The following CCSER2 variants were observed in gnomAD, a reference collection of about 807,000 sequenced individuals.
The protein encoded by CCSER2 is serine-rich coiled-coil domain-containing protein 2.
CCSER2 carries 46 observed loss-of-function variants against 92.3 expected under a neutral mutation model. The observed-to-expected ratio is 0.50, with a 90% CI of 0.39 to 0.64. The LOEUF (loss-of-function observed/expected upper bound fraction) is 0.64. Ranked by LOEUF, CCSER2 falls within the 30% of genes least tolerant of loss-of-function variation. CCSER2 has a pLI of 0.00. For synonymous variants in CCSER2, 433 were observed against 431.4 expected (o/e 1.00, Z -0.04); for missense variants, 1,244 against 1,238.9 (o/e 1.00, Z -0.06).
At chr10:84,436,976 A>G (rs1042782659) in intron 5 of CCSER2, among the ~76,000 whole-genome samples, 2 of 152,198 alleles carry the variant, frequency 1.3e-5, no homozygotes, top group African/African-American at 4.8e-5. Flanking sequence ...ATTTTTGCAC[A>G]TTTAATGCAT....
At chr10:84,456,684 T>C (rs1845644035) in intron 6 of CCSER2, among the ~76,000 whole-genome samples, 1 of 152,158 alleles carries the variant, frequency 6.6e-6, no homozygotes, top group South Asian at 2.1e-4. Flanking sequence ...GGTGACTATA[T>C]CATTTTGTAT....
At chr10:84,378,955 T>C (rs1399265322) in intron 3 of CCSER2, among the ~76,000 whole-genome samples, 1 of 152,192 alleles carries the variant, frequency 6.6e-6, no homozygotes, top group Non-Finnish European at 1.5e-5. Context: ...CTACTTGTTC[T>C]TGCCATGTTT....
At chr10:84,484,617 A>C (rs1488026561) in intron 9 of CCSER2, among the ~76,000 whole-genome samples, 1 of 152,202 alleles carries the variant, frequency 6.6e-6, no homozygotes, top group Non-Finnish European at 1.5e-5. Flanking sequence ...AATCACATAT[A>C]CATTGGTGTT....
intron 4 of CCSER2, among the ~76,000 whole-genome samples, chr10:84,418,943 A>G (rs1843005484): frequency 6.6e-6 from 1 of 152,222 alleles, no homozygotes; most frequent in Admixed American, 6.5e-5. Context: ...TGTTCTCACG[A>G]CAGCAGAAAT....
At chr10:84,487,368 A>G (rs1348694872) in intron 9 of CCSER2, among the ~76,000 whole-genome samples, 1 of 152,174 alleles carries the variant, frequency 6.6e-6, no homozygotes, top group East Asian at 1.9e-4. Flanking sequence ...GATTCTTCCT[A>G]CCCATGAGCG....
At chr10:84,357,314 G>C (rs535739096) in intron 1 of CCSER2, among the ~76,000 whole-genome samples, 8 of 152,254 alleles carry the variant, frequency 5.3e-5, no homozygotes, top group East Asian at 3.9e-4. Context: ...ACAATTAGTC[G>C]AATAATTGGG....
chr10:84,507,565 A>G (rs911679203), intron 9 of CCSER2, among the ~76,000 whole-genome samples: 2 of 152,196 alleles, frequency 1.3e-5, no homozygotes, highest in Admixed American at 1.3e-4. Flanking sequence ...ATGCAGTAGC[A>G]TTATTACACT....
chr10:84,507,278 T>C (rs1849108960), intron 9 of CCSER2: 1 of 983,130 alleles, frequency 1.0e-6, no homozygotes, highest in Admixed American at 6.1e-5. Flanking sequence ...TGCTCTCCCA[T>C]TATGCCATTG....
chr10:84,407,583 GGCCAC>G (rs1842441015), intron 3 of CCSER2, among the ~76,000 whole-genome samples: 1 of 152,132 alleles, frequency 6.6e-6, no homozygotes, highest in African/African-American at 2.4e-5. Context: ...ATTAGTATCA[GGCCAC>G]TGACATATGC....
At chr10:84,329,240 T>C (rs1380992019) in intron 1 of CCSER2, among the ~76,000 whole-genome samples, 1 of 152,098 alleles carries the variant, frequency 6.6e-6, no homozygotes, top group Admixed American at 6.5e-5. Context: ...CATCCTGAGG[T>C]GAAACTTTGG....
intron 3 of CCSER2, chr10:84,391,417 A>G: frequency 6.5e-7 from 1 of 1,537,988 alleles, no homozygotes; most frequent in Non-Finnish European, 9.0e-7. Context: ...ATAAAATGCT[A>G]GAAGTTCGAC....
intron 1 of CCSER2, among the ~76,000 whole-genome samples, chr10:84,343,095 A>G (rs1269036897): frequency 6.6e-6 from 1 of 151,954 alleles, no homozygotes. Flanking sequence ...CTGGTCTCGA[A>G]CTCCTAACCT....
chr10:84,387,870 C>T (rs573443039), intron 3 of CCSER2, among the ~76,000 whole-genome samples: 255 of 151,812 alleles, frequency 1.7e-3, no homozygotes, highest in African/African-American at 5.9e-3. Context: ...CTTTTCTTTT[C>T]TTTTGTTTTT....
At chr10:84,499,794 TAAAAC>T in intron 9 of CCSER2, 1 of 1,406,900 alleles carries the variant, frequency 7.1e-7, no homozygotes, top group Non-Finnish European at 1.0e-6. Flanking sequence ...TATTTAAAAG[TAAAAC>T]AAAGTATGAC....
intron 9 of CCSER2, among the ~76,000 whole-genome samples, chr10:84,504,166 A>T (rs895215014): frequency 3.9e-5 from 6 of 152,192 alleles, no homozygotes; most frequent in African/African-American, 1.4e-4. Context: ...ACCTGCAGTT[A>T]AAAAACATTG....
intron 3 of CCSER2, among the ~76,000 whole-genome samples, chr10:84,387,432 G>A (rs17103411): frequency 3.9e-5 from 6 of 151,936 alleles, no homozygotes; most frequent in East Asian, 1.9e-4. Context: ...TCCTTTCTTC[G>A]TACGTCTAAT....
At chr10:84,485,415 CTG>C (rs1847746871) in intron 9 of CCSER2, among the ~76,000 whole-genome samples, 1 of 152,162 alleles carries the variant, frequency 6.6e-6, no homozygotes, top group African/African-American at 2.4e-5. Context: ...ACCACTAAAA[CTG>C]TTTTACATCT....
At chr10:84,389,104 CT>C (rs80150850) in intron 3 of CCSER2, 9,737 of 183,462 alleles carry the variant, frequency 0.053, 33 homozygotes, top group South Asian at 0.12. Flanking sequence ...CCAATAATAA[CT>C]TTTTTTTTTT....
intron 9 of CCSER2, among the ~76,000 whole-genome samples, chr10:84,497,650 G>C (rs1472764770): frequency 1.3e-5 from 2 of 152,208 alleles, no homozygotes; most frequent in African/African-American, 4.8e-5. Flanking sequence ...TTAACTTAGT[G>C]TCTGCTACAT....
Sources: allele counts gnomAD v4.1 joint callset (sites outside exome capture counted in the v4.1 genomes callset), GRCh38; gene constraint gnomAD v4.1.1; transcripts MANE v1.5; gene names NCBI Gene and HGNC (gene_info 2026-07-23, HGNC 2026-07-21).